Variants in CACNB4 observed in about 807,000 individuals in gnomAD.
The protein encoded by CACNB4 is calcium voltage-gated channel auxiliary subunit beta 4.
In CACNB4, 32 loss-of-function variants were observed where a neutral mutation model predicts 71.2. The ratio of observed to expected loss-of-function variants is 0.45; its 90% confidence interval spans 0.34 to 0.60. The LOEUF (loss-of-function observed/expected upper bound fraction) is 0.60, where lower values mean the gene tolerates loss of function less well. CACNB4 is among the 20% of genes least tolerant of loss of function. CACNB4 has a pLI of 0.01. For missense variants in CACNB4, 464 were observed against 647.9 expected (o/e 0.72, Z 3.08); for synonymous variants, 231 against 236.9 (o/e 0.97, Z 0.23).
intron 2 of CACNB4, among the ~76,000 whole-genome samples, chr2:151,999,986 A>G (rs1486299330): frequency 1.3e-5 from 2 of 152,234 alleles, no homozygotes; most frequent in African/African-American, 4.8e-5. Context: ...AAATGGACAC[A>G]TAAGTATTGT....
At chr2:152,060,445 T>C (rs78643383) in intron 2 of CACNB4, among the ~76,000 whole-genome samples, 2 of 152,212 alleles carry the variant, frequency 1.3e-5, no homozygotes, top group African/African-American at 4.8e-5. Context: ...CTCCTTTGAA[T>C]AGGTTCAAGG....
intron 2 of CACNB4, among the ~76,000 whole-genome samples, chr2:151,955,020 AT>A (rs1005644214): frequency 1.8e-4 from 28 of 151,582 alleles, no homozygotes; most frequent in African/African-American, 5.3e-4. Flanking sequence ...TGCCCAGCTA[AT>A]TTTTTTTGTA....
intron 2 of CACNB4, among the ~76,000 whole-genome samples, chr2:151,899,790 G>C (rs145110195): frequency 6.6e-6 from 1 of 152,256 alleles, no homozygotes; most frequent in Admixed American, 6.5e-5. Context: ...ATTGACAAAT[G>C]CTTGTTGAAA....
At position 151,837,526 on chromosome 2, in the gene CACNB4, G is replaced by C. The variant is rs2099835146; in HGVS notation, c.*1593C>G. The C allele has an allele frequency of 6.6e-6, 1 of 151,948 alleles. No individual in the cohort carries two copies. The highest frequency in any genetic ancestry group is 1.5e-5 in the Non-Finnish European group (1 of 67,932). The allele number at this position is 151,948 out of a possible 1,614,324, so 9.4% of individuals were successfully genotyped here. A position where few individuals can be genotyped will look rare whatever the true frequency, so the allele number is the denominator to read the frequency against. On this transcript the variant is annotated 3_prime_UTR_variant, in exon 14 of 14. Coordinates refer to ENST00000539935, the MANE Select transcript of CACNB4 (RefSeq NM_000726.5). Reference sequence around the variant, plus strand: ...TAATTATCATTATTTTCAAAAATAGGCTTCATGACATGTACTAGCAGAAAA... The same window carrying C: ...TAATTATCATTATTTTCAAAAATAGCCTTCATGACATGTACTAGCAGAAAA...
At chr2:151,880,051 T>C (rs1483991528) in intron 4 of CACNB4, 1 of 152,234 alleles carries the variant, frequency 6.6e-6, no homozygotes, top group Non-Finnish European at 1.5e-5. Flanking sequence ...TCAAGAGTTC[T>C]TGTCTTCTAG....
At chr2:152,092,959 T>C (rs1480300664) in intron 2 of CACNB4, among the ~76,000 whole-genome samples, 1 of 152,162 alleles carries the variant, frequency 6.6e-6, no homozygotes, top group Admixed American at 6.5e-5. Flanking sequence ...CAATATGTCA[T>C]AATAAAAGTT....
chr2:151,976,653 T>C (rs1287777349), intron 2 of CACNB4, among the ~76,000 whole-genome samples: 2 of 151,906 alleles, frequency 1.3e-5, no homozygotes, highest in East Asian at 3.9e-4. Context: ...GATCCCAGAG[T>C]TCCAGAGGAA....
At chr2:151,893,620 A>C (rs1000752251) in intron 2 of CACNB4, among the ~76,000 whole-genome samples, 11 of 152,248 alleles carry the variant, frequency 7.2e-5, no homozygotes, top group African/African-American at 2.6e-4. Context: ...TATATTTTAA[A>C]AGATATATAT....
intron 2 of CACNB4, among the ~76,000 whole-genome samples, chr2:151,991,674 CA>C (rs533501524): frequency 1.3e-5 from 2 of 152,118 alleles, no homozygotes; most frequent in Non-Finnish European, 2.9e-5. Context: ...CAATAAGAAA[CA>C]AACAATCTTT....
At chr2:151,868,998 G>T in intron 9 of CACNB4, 179 bp downstream of exon 9, 2 of 470,730 alleles carry the variant, frequency 4.2e-6, no homozygotes, top group Non-Finnish European at 7.6e-6. Flanking sequence ...TCTTCACTGG[G>T]GACTCAATGT....
chr2:152,080,426 A>T (rs577650261), intron 2 of CACNB4, among the ~76,000 whole-genome samples: 4 of 152,110 alleles, frequency 2.6e-5, no homozygotes, highest in African/African-American at 7.2e-5. Context: ...TGGCCAATTT[A>T]CTGTCTTATA....
intron 2 of CACNB4, among the ~76,000 whole-genome samples, chr2:152,086,768 C>A (rs913777805): frequency 6.6e-6 from 1 of 152,194 alleles, no homozygotes; most frequent in Non-Finnish European, 1.5e-5. Context: ...AACCACCCCC[C>A]TCTATAGATG....
At chr2:151,845,804 G>A (rs1255336306) in intron 12 of CACNB4, among the ~76,000 whole-genome samples, 2 of 152,212 alleles carry the variant, frequency 1.3e-5, no homozygotes, top group Admixed American at 1.3e-4. Flanking sequence ...AGCTGAGGTA[G>A]ACAGAATGGT....
chr2:151,986,003 A>G (rs1336006787), intron 2 of CACNB4, among the ~76,000 whole-genome samples: 1 of 152,224 alleles, frequency 6.6e-6, no homozygotes, highest in African/African-American at 2.4e-5. Flanking sequence ...CAAATGAATG[A>G]GACGACTGAG....
At chr2:151,887,509 T>C (rs1003971655) in intron 2 of CACNB4, among the ~76,000 whole-genome samples, 1 of 151,778 alleles carries the variant, frequency 6.6e-6, no homozygotes, top group Non-Finnish European at 1.5e-5. Context: ...AAATGCAAAA[T>C]GCAGATAGTA....
At chr2:151,858,624 T>C (rs2099840862) in intron 10 of CACNB4, 1 of 152,226 alleles carries the variant, frequency 6.6e-6, no homozygotes, top group South Asian at 2.1e-4. Flanking sequence ...AAAATTAACA[T>C]TGCATGGGAT....
At chr2:152,072,247 G>A (rs1038657793) in intron 2 of CACNB4, among the ~76,000 whole-genome samples, 1 of 152,222 alleles carries the variant, frequency 6.6e-6, no homozygotes, top group Admixed American at 6.5e-5. Flanking sequence ...TAGGACACCA[G>A]CCAAGAATGG....
intron 2 of CACNB4, among the ~76,000 whole-genome samples, chr2:151,938,991 C>T (rs897804177): frequency 1.3e-5 from 2 of 152,206 alleles, no homozygotes; most frequent in African/African-American, 4.8e-5. Context: ...TCTCTATCTG[C>T]AGATATAATA....
intron 2 of CACNB4, among the ~76,000 whole-genome samples, chr2:151,908,151 C>T (rs960241329): frequency 1.8e-4 from 28 of 152,140 alleles, no homozygotes; most frequent in Admixed American, 3.9e-4. Context: ...GGAACAAAGA[C>T]GCCAGGAGGG....
Sources: allele counts gnomAD v4.1 joint callset (sites outside exome capture counted in the v4.1 genomes callset), GRCh38; gene constraint gnomAD v4.1.1; transcripts MANE v1.5; gene names NCBI Gene and HGNC (gene_info 2026-07-23, HGNC 2026-07-21).